PRR14L: variants seen among roughly 807,000 people sequenced by gnomAD.
PRR14L encodes the protein protein PRR14L.
A neutral mutation model predicts 155.0 loss-of-function variants in PRR14L; 80 were observed. That is an observed-to-expected ratio of 0.52 (90% confidence interval 0.43 to 0.62). The LOEUF (loss-of-function observed/expected upper bound fraction) is 0.62. PRR14L is among the 20% of genes least tolerant of loss of function. PRR14L has a pLI of 0.00. For synonymous variants in PRR14L, 883 were observed against 916.0 expected (o/e 0.96, Z 0.65); for missense variants, 2,469 against 2,548.0 (o/e 0.97, Z 0.67).
rs1410715759 is a variant in PRR14L at position 31,713,351 on chromosome 22, T to C, written c.4488A>G (p.Gln1496=). 6 of 1,552,118 alleles carry C rather than the reference T, an allele frequency of 3.9e-6. No individual in the cohort carries two copies. The highest frequency in any genetic ancestry group is 5.2e-6 in the Non-Finnish European group (6 of 1,147,104). Residue 1496 remains glutamine (Q), a synonymous_variant, in exon 4 of 9, where the codon CAA becomes CAG. Transcript: ENST00000327423. ...PCLLGAPRKA[Q]DPSSAGCDQI... is the part of the protein sequence containing the mutation. ...GATCACACCCAGCAGAGGAGGGGTC[T>C]TGTGCTTTCCGAGGGGCACCAAGAA...
intron 1 of PRR14L, among the ~76,000 whole-genome samples, chr22:31,746,189 C>G (rs1439562580): frequency 6.6e-6 from 1 of 152,152 alleles, no homozygotes; most frequent in African/African-American, 2.4e-5. Context: ...CTCGGCCTCC[C>G]AGAGTGAGCT....
chr22:31,733,975 T>C (rs940825253), intron 2 of PRR14L, among the ~76,000 whole-genome samples: 6 of 151,904 alleles, frequency 3.9e-5, no homozygotes, highest in African/African-American at 2.4e-5. Context: ...TTCCCATTTT[T>C]TTCTTTTTCT....
chr22:31,748,648 G>A (rs886341867), intron 1 of PRR14L, among the ~76,000 whole-genome samples: 3 of 147,684 alleles, frequency 2.0e-5, no homozygotes, highest in African/African-American at 5.4e-5. Context: ...CGCCCACTTG[G>A]GGGGGTGGGA....
In PRR14L at chr22:31,716,525, T is replaced by C. The variant is rs1556470348; in HGVS notation, c.1314A>G (p.Pro438=). ...TGCAGTTATTGTGGATATTTTCCTTTGGAGAAACAACAGGCTCTTTTTCAC... is the reference window on the plus strand; with the variant it reads ...TGCAGTTATTGTGGATATTTTCCTTCGGAGAAACAACAGGCTCTTTTTCAC... ...CSGEKEPVVS[P]KENIHNNCIQ... Residue 438 remains proline (P), a synonymous_variant, in exon 4 of 9, where the codon CCA becomes CCG. Coordinates refer to ENST00000327423, the MANE Select transcript of PRR14L (RefSeq NM_173566.3). The C allele has an allele frequency of 6.5e-7, 1 of 1,545,782 alleles. No individual in the cohort carries two copies. Among genetic ancestry groups the C allele is most frequent in the South Asian group, 1.2e-5 (1 of 82,374 alleles).
rs923929076 is a variant in PRR14L, at chr22:31,738,565, G to C, written c.296C>G (p.Ala99Gly). ...PGRCGLVDSTAGGSVASGILD... is the reference protein window; with the variant it reads ...PGRCGLVDSTGGGSVASGILD... ...GATCCCAGATGCCACAGAACCTCCT[G>C]CTGTGGAGTCCACTAGCCCACATCG... is the stretch of plus-strand genomic sequence containing the variant. The change falls in exon 2 of 9, where the codon GCA (alanine) becomes GGA (glycine). Residue 99 changes from alanine (A) to glycine (G), a missense_variant. Transcript: ENST00000327423. 6.4e-7 allele frequency: 1 copy of C among 1,551,882 alleles called. No individual in the cohort carries two copies. Among genetic ancestry groups the C allele is most frequent in the Non-Finnish European group, 8.7e-7 (1 of 1,147,074 alleles).
intron 4 of PRR14L, among the ~76,000 whole-genome samples, chr22:31,706,187 T>G (rs1329789082): frequency 6.6e-6 from 1 of 151,156 alleles, no homozygotes; most frequent in East Asian, 2.0e-4. Flanking sequence ...AAAAACTAGC[T>G]AGGCATGATG....
chr22:31,697,544 T>A (rs1030395764), intron 7 of PRR14L, among the ~76,000 whole-genome samples: 1 of 152,130 alleles, frequency 6.6e-6, no homozygotes, highest in Non-Finnish European at 1.5e-5. Context: ...TCATTAACAA[T>A]ATGTCATCAC....
chr22:31,712,382 G>A lies in PRR14L; in HGVS notation c.5457C>T (p.Gly1819=). 1.2e-6 allele frequency: 2 copies of A among 1,608,386 alleles called. No individual in the cohort carries two copies. The highest frequency in any genetic ancestry group is 2.2e-5 in the East Asian group (1 of 44,708). Residue 1819 remains glycine (G), a synonymous_variant, in exon 4 of 9, where the codon GGC becomes GGT. Transcript: ENST00000327423. ...VQTRADCSVL[G]LHTLLALCSP... The stretch of plus-strand genomic sequence containing the variant: ...AACAAAGTGCTAGAAGTGTGTGAAG[G>A]CCAAGGACAGAGCAGTCTGCTCTGG...
At position 31,683,124 on chromosome 22, in the gene PRR14L, A is replaced by T. The variant is rs758035189; in HGVS notation, c.*2403T>A. 1 of 152,256 alleles carries T rather than the reference A, an allele frequency of 6.6e-6. No homozygotes were observed. The highest frequency in any genetic ancestry group is 1.5e-5 in the Non-Finnish European group (1 of 68,072). 9.4% of individuals were successfully genotyped at this position (152,256 alleles called of 1,614,324 possible). On this transcript the variant is annotated 3_prime_UTR_variant, in exon 9 of 9. Coordinates refer to ENST00000327423, the MANE Select transcript of PRR14L (RefSeq NM_173566.3). ...ACAACTCCTCTCCTACATTGTCAGG[A>T]CAGGGAAGGAGCCCAGCTCTGTTTC...
chr22:31,694,814 C>A (rs1157530730), intron 7 of PRR14L, among the ~76,000 whole-genome samples: 1 of 150,624 alleles, frequency 6.6e-6, no homozygotes, highest in South Asian at 2.1e-4. Context: ...AGGCCAGGTG[C>A]GGTGGCTCAC....
rs1234288668 is a variant in PRR14L, at chr22:31,684,885, G to T, written c.*642C>A. On this transcript the variant is annotated 3_prime_UTR_variant, in exon 9 of 9. Coordinates refer to ENST00000327423, the MANE Select transcript of PRR14L (RefSeq NM_173566.3). ...AACATTAAAAAGTGCAACTTACTTC[G>T]AATGGGGCCTGGACGGGCTCCTCTG... 6.6e-6 allele frequency: 1 copy of T among 152,112 alleles called. No homozygotes were observed. Among genetic ancestry groups the T allele is most frequent in the Non-Finnish European group, 1.5e-5 (1 of 68,052 alleles). 9.4% of individuals were successfully genotyped at this position (152,112 alleles called of 1,614,324 possible). A position where few individuals can be genotyped will look rare whatever the true frequency, so the allele number is the denominator to read the frequency against.
At chr22:31,710,830 A>G (rs1201583824) in intron 4 of PRR14L, among the ~76,000 whole-genome samples, 3 of 152,270 alleles carry the variant, frequency 2.0e-5, no homozygotes, top group East Asian at 1.9e-4. Flanking sequence ...TAGAAGGTAC[A>G]ATGATATTGA....
At chr22:31,685,915 G>GA in intron 8 of PRR14L, 112 bp from the exon 9 acceptor site, 1 of 944,242 alleles carries the variant, frequency 1.1e-6, no homozygotes, top group Admixed American at 2.9e-5. Flanking sequence ...AACAGGGACT[G>GA]AAAGCTACTT....
At chr22:31,724,918 C>T (rs2074708717) in intron 3 of PRR14L, among the ~76,000 whole-genome samples, 2 of 152,194 alleles carry the variant, frequency 1.3e-5, no homozygotes, top group South Asian at 2.1e-4. Context: ...GCCTTGAAAA[C>T]TCTCAGGGTG....
At chr22:31,711,697 T>C (rs1211834738) in intron 4 of PRR14L, among the ~76,000 whole-genome samples, 3 of 135,412 alleles carry the variant, frequency 2.2e-5, no homozygotes, top group Non-Finnish European at 4.6e-5. Context: ...AGGAGGAGAA[T>C]CGCTTGAACC....
intron 7 of PRR14L, among the ~76,000 whole-genome samples, chr22:31,691,709 T>G (rs59348697): frequency 0.018 from 2,809 of 152,324 alleles, 92 homozygotes; most frequent in African/African-American, 0.062. Flanking sequence ...GTATCAGTAC[T>G]TCGTTCCTTT....
intron 2 of PRR14L, among the ~76,000 whole-genome samples, chr22:31,727,786 A>G (rs1053681512): frequency 6.6e-6 from 1 of 151,736 alleles, no homozygotes; most frequent in Non-Finnish European, 1.5e-5. Context: ...GTTCAAGACC[A>G]GCCTGGCCAA....
intron 7 of PRR14L, among the ~76,000 whole-genome samples, chr22:31,693,057 A>G (rs1470534290): frequency 6.6e-6 from 1 of 152,146 alleles, no homozygotes; most frequent in African/African-American, 2.4e-5. Flanking sequence ...AGCCTTCCAG[A>G]GTGTACAACT....
At chr22:31,744,548 C>T (rs898856691) in intron 1 of PRR14L, among the ~76,000 whole-genome samples, 3 of 152,308 alleles carry the variant, frequency 2.0e-5, no homozygotes, top group East Asian at 3.9e-4. Context: ...GCTGGAATTA[C>T]AAGCGTGAGC....
Sources: allele counts gnomAD v4.1 joint callset (sites outside exome capture counted in the v4.1 genomes callset), GRCh38; gene constraint gnomAD v4.1.1; transcripts MANE v1.5; gene names NCBI Gene and HGNC (gene_info 2026-07-23, HGNC 2026-07-21).